FAM184A: variants seen among roughly 807,000 people sequenced by gnomAD.
The protein encoded by FAM184A is protein FAM184A.
Under a neutral mutation model 143.8 loss-of-function variants are expected in FAM184A, and 99 were observed. That is an observed-to-expected ratio of 0.69 (90% confidence interval 0.58 to 0.81). The LOEUF (loss-of-function observed/expected upper bound fraction) is 0.81. FAM184A is among the 40% of genes least tolerant of loss of function. The probability of loss-of-function intolerance (pLI) is 0.00; values close to 1 mark genes in which losing one functional copy is unlikely to be tolerated. For missense variants in FAM184A, 1,217 were observed against 1,310.5 expected, an observed-to-expected ratio of 0.93 and a Z score of 1.10; for synonymous variants, 427 against 446.4, an observed-to-expected ratio of 0.96 and a Z score of 0.55.
chr6:119,009,166 G>C (rs1282101555), intron 6 of FAM184A, among the ~76,000 whole-genome samples: 1 of 152,152 alleles, frequency 6.6e-6, no homozygotes, highest in African/African-American at 2.4e-5. Context: ...GTATAAAGAG[G>C]CTATATAAAA....
chr6:118,991,896 G>A (rs1341729023), intron 9 of FAM184A, among the ~76,000 whole-genome samples: 1 of 151,216 alleles, frequency 6.6e-6, no homozygotes, highest in African/African-American at 2.4e-5. Flanking sequence ...CCAAGTAGCT[G>A]GGACTACAGG....
intron 1 of FAM184A, among the ~76,000 whole-genome samples, chr6:119,118,375 C>G (rs1000819362): frequency 5.3e-5 from 8 of 152,156 alleles, no homozygotes; most frequent in Admixed American, 2.6e-4. Context: ...ATATTAAACA[C>G]TCAATAATAG....
chr6:119,033,719 C>T (rs1354898724), intron 1 of FAM184A, among the ~76,000 whole-genome samples: 19 of 149,364 alleles, frequency 1.3e-4, no homozygotes, highest in South Asian at 1.3e-3. Context: ...TAGGCCACTG[C>T]GGTGGCTCAC....
intron 6 of FAM184A, among the ~76,000 whole-genome samples, chr6:119,008,134 A>G (rs1387145904): frequency 6.6e-6 from 1 of 152,226 alleles, no homozygotes; most frequent in Non-Finnish European, 1.5e-5. Context: ...TAAATACAAT[A>G]AAAATGGATA....
At chr6:118,973,161 C>A (rs1006692010) in intron 14 of FAM184A, among the ~76,000 whole-genome samples, 7 of 152,162 alleles carry the variant, frequency 4.6e-5, no homozygotes, top group African/African-American at 1.7e-4. Flanking sequence ...AGAAAGAGCA[C>A]CTCATCTCAC....
chr6:119,027,544 T>C (rs895455477), intron 1 of FAM184A, among the ~76,000 whole-genome samples: 2 of 152,026 alleles, frequency 1.3e-5, no homozygotes, highest in African/African-American at 2.4e-5. Context: ...CCCCCAAACA[T>C]GGAAATAAAG....
chr6:118,966,087 G>A (rs1212052363), intron 15 of FAM184A, among the ~76,000 whole-genome samples: 1 of 152,156 alleles, frequency 6.6e-6, no homozygotes, highest in African/African-American at 2.4e-5. Flanking sequence ...TCTAGTCTCA[G>A]ACAACAGGCT....
intron 14 of FAM184A, among the ~76,000 whole-genome samples, chr6:118,970,515 C>A (rs1461806864): frequency 6.6e-6 from 1 of 151,952 alleles, no homozygotes; most frequent in Admixed American, 6.6e-5. Context: ...GTAGTGATAT[C>A]AAGTTTTCCT....
intron 1 of FAM184A, among the ~76,000 whole-genome samples, chr6:119,098,247 C>T (rs968619108): frequency 1.4e-4 from 22 of 152,168 alleles, no homozygotes; most frequent in Non-Finnish European, 2.1e-4. Context: ...ACATGCCTTT[C>T]GCCTTCCACC....
intron 1 of FAM184A, among the ~76,000 whole-genome samples, chr6:119,122,837 A>G (rs1302068767): frequency 7.1e-6 from 1 of 141,388 alleles, no homozygotes; most frequent in Admixed American, 7.5e-5. Flanking sequence ...AGGTGGGAGG[A>G]CTGCTTGAAC....
Position 119,019,972 on chromosome 6 carries a change from T to C in FAM184A, c.1332+6A>G. 1 of 1,545,310 alleles carries C rather than the reference T, an allele frequency of 6.5e-7. No homozygotes were observed. Among genetic ancestry groups the C allele is most frequent in the Non-Finnish European group, 8.7e-7 (1 of 1,151,796 alleles). On this transcript the variant is annotated splice_donor_region_variant and intron_variant, in intron 4 of 17. Coordinates refer to ENST00000338891, the MANE Select transcript of FAM184A (RefSeq NM_024581.6). ...CGGGGGGAATGGAGTGTCCATTACTTTTTACCTTCTCCAGTTCTAGAATCT... is the reference window on the plus strand; with the variant it reads ...CGGGGGGAATGGAGTGTCCATTACTCTTTACCTTCTCCAGTTCTAGAATCT...
In FAM184A at chr6:118,961,663, C is replaced by A; in HGVS notation, c.3341+98G>T. On this transcript the variant is annotated intron_variant, in intron 17 of 17. Coordinates refer to ENST00000338891, the MANE Select transcript of FAM184A (RefSeq NM_024581.6). ...AAGAAAATATTTCATAGTAATTTTT[C>A]TTAGGTTGTTCTTAAAGTAGTGATT... 4 of 974,018 alleles carry A rather than the reference C, an allele frequency of 4.1e-6. No homozygotes were observed. In the South Asian group the frequency reaches 6.3e-5, roughly 15 times the overall value. 60.3% of individuals were successfully genotyped at this position (974,018 alleles called of 1,614,324 possible).
At chr6:118,961,652 T>C (rs2114527657) in intron 17 of FAM184A, 109 bp downstream of exon 17, 3 of 883,228 alleles carry the variant, frequency 3.4e-6, no homozygotes, top group East Asian at 2.4e-5. Flanking sequence ...AAATATTTCA[T>C]AGTAATTTTT....
chr6:119,051,607 C>T (rs1199265560), intron 1 of FAM184A, among the ~76,000 whole-genome samples: 2 of 152,030 alleles, frequency 1.3e-5, no homozygotes, highest in Non-Finnish European at 2.9e-5. Flanking sequence ...TTTCATATTG[C>T]ATCAAAACAT....
chr6:119,111,432 G>A (rs528722912), intron 1 of FAM184A, among the ~76,000 whole-genome samples: 2 of 152,178 alleles, frequency 1.3e-5, no homozygotes, highest in East Asian at 1.9e-4. Context: ...ACGGCTGGAC[G>A]TGGATGGTGG....
chr6:119,129,853 C>A lies in FAM184A; in HGVS notation c.-202+19225G>T, dbSNP rs1582641168. ...AATATGTAGATTTCCAGCCCTTGCCCCCAATCCACAAAATCAGAAGCTTTG... is the reference window on the plus strand; with the variant it reads ...AATATGTAGATTTCCAGCCCTTGCCACCAATCCACAAAATCAGAAGCTTTG... On this transcript the variant is annotated intron_variant, in intron 1 of 16. Transcript: ENST00000352896. 1.3e-5 allele frequency among the ~76,000 whole-genome samples: 2 copies of A among 152,184 alleles called. 1 individual carries two copies. Among genetic ancestry groups the A allele is most frequent in the East Asian group, 3.9e-4 (2 of 5,174 alleles).
chr6:119,129,251 A>G (rs975704921), intron 1 of FAM184A, among the ~76,000 whole-genome samples: 2 of 152,218 alleles, frequency 1.3e-5, no homozygotes, highest in Non-Finnish European at 1.5e-5. Flanking sequence ...CTTTGAGCAC[A>G]TGTTCTCAGG....
At chr6:119,056,045 A>G (rs2114756783) in intron 1 of FAM184A, among the ~76,000 whole-genome samples, 1 of 152,328 alleles carries the variant, frequency 6.6e-6, no homozygotes, top group East Asian at 1.9e-4. Context: ...GTACTACCAT[A>G]TCACTAAGCA....
In FAM184A at chr6:119,024,628, T is replaced by C. The variant is rs758488427; in HGVS notation, c.345A>G (p.Leu115=). ...GCTGCTTCATTTTTATGTGATCTTCTAATGATGATTCTAAAACTTGAATCT... is the reference window on the plus strand; with the variant it reads ...GCTGCTTCATTTTTATGTGATCTTCCAATGATGATTCTAAAACTTGAATCT... ...RRKIQVLESS[L]EDHIKMKQQA... is the part of the protein sequence containing the mutation. The change falls in exon 2 of 18, where the codon TTA becomes TTG. Residue 115 remains leucine, a synonymous_variant. Coordinates refer to ENST00000338891, the MANE Select transcript of FAM184A (RefSeq NM_024581.6). 5.5e-5 allele frequency: 89 copies of C among 1,614,032 alleles called. No homozygotes were observed. Among genetic ancestry groups the C allele is most frequent in the Non-Finnish European group, 7.5e-5 (88 of 1,180,024 alleles).
Sources: allele counts gnomAD v4.1 joint callset (sites outside exome capture counted in the v4.1 genomes callset), GRCh38; gene constraint gnomAD v4.1.1; transcripts MANE v1.5; gene names NCBI Gene and HGNC (gene_info 2026-07-23, HGNC 2026-07-21).